NKAIN2: variants seen among roughly 807,000 people sequenced by gnomAD.
NKAIN2 encodes sodium/potassium transporting ATPase interacting 2.
NKAIN2 carries 14 observed loss-of-function variants against 32.6 expected under a neutral mutation model. The observed-to-expected ratio is 0.43, with a 90% CI of 0.28 to 0.67. The LOEUF (loss-of-function observed/expected upper bound fraction) is 0.67. Ranked by LOEUF, NKAIN2 falls within the 30% of genes least tolerant of loss-of-function variation. NKAIN2 has a pLI of 0.17. For missense variants in NKAIN2, 198 were observed against 258.3 expected (o/e 0.77, Z 1.60); for synonymous variants, 80 against 87.2 (o/e 0.92, Z 0.46).
chr6:124,354,656 A>T (rs993427663), intron 2 of NKAIN2, among the ~76,000 whole-genome samples: 1 of 152,080 alleles, frequency 6.6e-6, no homozygotes, highest in Admixed American at 6.6e-5. Flanking sequence ...TGCTAAGGAA[A>T]CTGTGAGTCT....
chr6:124,583,847 C>T (rs936453326), intron 3 of NKAIN2, among the ~76,000 whole-genome samples: 2 of 152,164 alleles, frequency 1.3e-5, no homozygotes, highest in African/African-American at 4.8e-5. Context: ...CATACATCTA[C>T]AGTGAATTCA....
At position 123,976,312 on chromosome 6, in the gene NKAIN2, C is replaced by CAT. The variant is rs1379603157; in HGVS notation, c.54+172069_54+172070dup. The stretch of plus-strand genomic sequence containing the variant: ...ATATATGTTTCCATATATATGTTTC[C>CAT]ATATATATATATGTTCCCATATATA... On this transcript the variant is annotated intron_variant, in intron 1 of 6. Transcript: ENST00000368417. Among the ~76,000 whole-genome samples the CAT allele has an allele frequency of 4.0e-4, 13 of 32,832 alleles. 2 individuals carry two copies. Among genetic ancestry groups the CAT allele is most frequent in the Admixed American group, 7.2e-4 (2 of 2,792 alleles). The allele number at this position is 32,832 out of a possible 152,430, so 21.5% of individuals were successfully genotyped here.
At chr6:124,204,749 G>A (rs1790770733) in intron 1 of NKAIN2, among the ~76,000 whole-genome samples, 1 of 151,580 alleles carries the variant, frequency 6.6e-6, no homozygotes, top group Admixed American at 6.6e-5. Context: ...ATTTCTCTTG[G>A]ACATGGATGA....
intron 1 of NKAIN2, among the ~76,000 whole-genome samples, chr6:123,931,083 T>C (rs976753379): frequency 2.0e-5 from 3 of 152,058 alleles, no homozygotes; most frequent in Non-Finnish European, 4.4e-5. Flanking sequence ...GATCTTTTCT[T>C]TGTAGAGGCT....
At chr6:124,204,997 C>A (rs1471060137) in intron 1 of NKAIN2, among the ~76,000 whole-genome samples, 1 of 150,210 alleles carries the variant, frequency 6.7e-6, no homozygotes. Context: ...AAAAAAAAAG[C>A]CTATATATCA....
chr6:124,136,073 A>G (rs1474479523), intron 1 of NKAIN2, among the ~76,000 whole-genome samples: 1 of 152,212 alleles, frequency 6.6e-6, no homozygotes, highest in Non-Finnish European at 1.5e-5. Flanking sequence ...AACACAAAAG[A>G]TAAATGAAAC....
intron 3 of NKAIN2, among the ~76,000 whole-genome samples, chr6:124,575,645 C>T (rs1023667645): frequency 3.7e-4 from 57 of 152,294 alleles, no homozygotes; most frequent in African/African-American, 1.3e-3. Context: ...GCATCCTGTG[C>T]CTTCTACCGG....
At chr6:124,476,509 A>T (rs1777224011) in intron 3 of NKAIN2, among the ~76,000 whole-genome samples, 1 of 152,056 alleles carries the variant, frequency 6.6e-6, no homozygotes, top group South Asian at 2.1e-4. Context: ...CACATTTGCT[A>T]AAGCAATCAG....
At chr6:124,623,383 G>T (rs1783183408) in intron 3 of NKAIN2, among the ~76,000 whole-genome samples, 1 of 152,174 alleles carries the variant, frequency 6.6e-6, no homozygotes, top group Admixed American at 6.5e-5. Flanking sequence ...CTCTATGCAT[G>T]TGTGGCTTAT....
intron 3 of NKAIN2, among the ~76,000 whole-genome samples, chr6:124,585,472 A>G (rs1781680750): frequency 1.3e-5 from 2 of 152,206 alleles, no homozygotes; most frequent in African/African-American, 2.4e-5. Flanking sequence ...TAATTGGATT[A>G]TGTCAACATT....
At chr6:124,025,571 G>A (rs139535068) in intron 1 of NKAIN2, among the ~76,000 whole-genome samples, 64 of 152,152 alleles carry the variant, frequency 4.2e-4, no homozygotes, top group Non-Finnish European at 7.4e-4. Flanking sequence ...TTGGTCAAAG[G>A]GTACAAAGTT....
chr6:123,829,251 C>T (rs1472629210), intron 1 of NKAIN2: 1 of 152,156 alleles, frequency 6.6e-6, no homozygotes, highest in East Asian at 1.9e-4. Context: ...CACCGTTACT[C>T]AGATGATTCT....
chr6:123,990,427 A>G (rs1263012089), intron 1 of NKAIN2, among the ~76,000 whole-genome samples: 3 of 152,178 alleles, frequency 2.0e-5, no homozygotes, highest in Non-Finnish European at 4.4e-5. Flanking sequence ...TAAATTGTTG[A>G]CCTCAAAATG....
intron 1 of NKAIN2, among the ~76,000 whole-genome samples, chr6:124,192,896 C>T (rs1790099618): frequency 6.6e-6 from 1 of 151,882 alleles, no homozygotes; most frequent in Non-Finnish European, 1.5e-5. Context: ...ACTACAGGCG[C>T]CCGCCACCGC....
intron 1 of NKAIN2, among the ~76,000 whole-genome samples, chr6:124,269,588 C>G (rs1794657678): frequency 6.6e-6 from 1 of 151,880 alleles, no homozygotes. Flanking sequence ...CTGCCTCAGC[C>G]TCCTGAGTAG....
chr6:123,952,359 A>C (rs966714570), intron 1 of NKAIN2, among the ~76,000 whole-genome samples: 4 of 152,032 alleles, frequency 2.6e-5, no homozygotes, highest in Non-Finnish European at 4.4e-5. Flanking sequence ...CAGTTTGTCT[A>C]TAGTATGCCA....
intron 1 of NKAIN2, among the ~76,000 whole-genome samples, chr6:123,817,304 C>T (rs2114878188): frequency 6.6e-6 from 1 of 152,248 alleles, no homozygotes; most frequent in East Asian, 1.9e-4. Context: ...TGTTTAGCAA[C>T]ATCCCTGGCC....
chr6:123,915,560 A>T (rs1775447065), intron 1 of NKAIN2, among the ~76,000 whole-genome samples: 1 of 152,144 alleles, frequency 6.6e-6, no homozygotes, highest in South Asian at 2.1e-4. Context: ...CGTTGTTTCA[A>T]AGTCTAGTTC....
At chr6:124,522,199 A>C (rs1779142375) in intron 3 of NKAIN2, among the ~76,000 whole-genome samples, 1 of 152,178 alleles carries the variant, frequency 6.6e-6, no homozygotes, top group African/African-American at 2.4e-5. Flanking sequence ...ACTAACATAT[A>C]TCTGTAAAGT....
Sources: allele counts gnomAD v4.1 joint callset (sites outside exome capture counted in the v4.1 genomes callset), GRCh38; gene constraint gnomAD v4.1.1; transcripts MANE v1.5; gene names NCBI Gene and HGNC (gene_info 2026-07-23, HGNC 2026-07-21).